Variants in ITPR1 observed in about 807,000 individuals in gnomAD.
The protein encoded by ITPR1 is inositol 1,4,5-trisphosphate receptor type 1.
In ITPR1, 96 loss-of-function variants were observed where a neutral mutation model predicts 318.4. That is an observed-to-expected ratio of 0.30 (90% CI 0.26 to 0.36). The LOEUF is 0.36. ITPR1 is among the 10% of genes least tolerant of loss of function. The pLI is 1.00. For synonymous variants in ITPR1, 1,312 were observed against 1,289.9 expected, an observed-to-expected ratio of 1.02 and a Z score of -0.37; for missense variants, 2,440 against 3,460.2, an observed-to-expected ratio of 0.71 and a Z score of 7.40.
intron 35 of ITPR1, among the ~76,000 whole-genome samples, chr3:4,701,308 T>A (rs563912852): frequency 7.8e-4 from 118 of 152,120 alleles, no homozygotes; most frequent in African/African-American, 2.7e-3. Flanking sequence ...CTTCACAGGG[T>A]GATGGTGAAG....
intron 53 of ITPR1, 72 bp from the exon 54 acceptor site, chr3:4,800,353 C>T (rs1488483674): frequency 5.5e-6 from 8 of 1,466,188 alleles, no homozygotes; most frequent in South Asian, 1.2e-5. Context: ...TGTAACAGTG[C>T]ATGTTTTAGG....
At chr3:4,771,605 G>C (rs2046189328) in intron 46 of ITPR1, among the ~76,000 whole-genome samples, 1 of 152,154 alleles carries the variant, frequency 6.6e-6, no homozygotes, top group Non-Finnish European at 1.5e-5. Context: ...ATTCTCCGTT[G>C]AATCAATGCC....
At chr3:4,661,146 C>T in intron 14 of ITPR1, 59 bp downstream of exon 14, 1 of 968,474 alleles carries the variant, frequency 1.0e-6, no homozygotes, top group Admixed American at 1.8e-5. Context: ...GAAAGGGCTC[C>T]TTTGAGGACA....
At chr3:4,568,014 T>A (rs573176656) in intron 4 of ITPR1, among the ~76,000 whole-genome samples, 1 of 152,146 alleles carries the variant, frequency 6.6e-6, no homozygotes, top group Non-Finnish European at 1.5e-5. Context: ...TTATCAGGTA[T>A]GTGGTCACTG....
intron 35 of ITPR1, among the ~76,000 whole-genome samples, chr3:4,701,309 G>A (rs1574927166): frequency 6.6e-6 from 1 of 152,226 alleles, no homozygotes; most frequent in Non-Finnish European, 1.5e-5. Flanking sequence ...TTCACAGGGT[G>A]ATGGTGAAGG....
chr3:4,650,725 GA>G, intron 10 of ITPR1, among the ~76,000 whole-genome samples: 1 of 151,178 alleles, frequency 6.6e-6, no homozygotes, highest in Admixed American at 6.6e-5. Flanking sequence ...TGTCAAATGG[GA>G]AAACTTTGAG....
At chr3:4,679,409 C>T (rs1037334802) in intron 24 of ITPR1, among the ~76,000 whole-genome samples, 2 of 152,186 alleles carry the variant, frequency 1.3e-5, no homozygotes, top group Admixed American at 1.3e-4. Context: ...GCCTGAGTCC[C>T]AAGGCTGAGA....
chr3:4,769,464 G>T lies in ITPR1; in HGVS notation c.5979+700G>T, dbSNP rs567473761. Among the ~76,000 whole-genome samples, 5 of 152,328 alleles carry T rather than the reference G, an allele frequency of 3.3e-5. No homozygotes were observed. In the South Asian group the frequency reaches 1.0e-3, roughly 32 times the overall value. On this transcript the variant is annotated intron_variant, in intron 46 of 61. Transcript: ENST00000649015. ...TTAGATTTCTAAAATTGGATACATA[G>T]AAAGTTCTGAATAAATATTTGTTGG... is the stretch of plus-strand genomic sequence containing the variant.
intron 44 of ITPR1, among the ~76,000 whole-genome samples, chr3:4,745,715 C>T (rs988311158): frequency 1.3e-5 from 2 of 152,194 alleles, no homozygotes; most frequent in Non-Finnish European, 2.9e-5. Flanking sequence ...AGCTCTCGGT[C>T]CCACCTCTCT....
At chr3:4,831,149 A>ACACACACACACACT (rs2050476415) in intron 60 of ITPR1, 1 of 384,604 alleles carries the variant, frequency 2.6e-6, no homozygotes, top group Admixed American at 3.2e-5. Flanking sequence ...ACACACACAC[A>ACACACACACACACT]CACACTCACT....
At chr3:4,765,082 A>AAGAAAAGAAAAGAAT (rs1358945478) in intron 44 of ITPR1, among the ~76,000 whole-genome samples, 4 of 151,824 alleles carry the variant, frequency 2.6e-5, no homozygotes, top group African/African-American at 9.7e-5. Context: ...AAGAAAAGAA[A>AAGAAAAGAAAAGAAT]AGAAACGAGG....
At chr3:4,579,283 C>T (rs955494137) in intron 4 of ITPR1, among the ~76,000 whole-genome samples, 36 of 152,100 alleles carry the variant, frequency 2.4e-4, no homozygotes, top group African/African-American at 8.5e-4. Flanking sequence ...TGTAGCAATA[C>T]GATTGAGCAT....
At chr3:4,594,113 G>C (rs1426282961) in intron 4 of ITPR1, among the ~76,000 whole-genome samples, 2 of 152,130 alleles carry the variant, frequency 1.3e-5, no homozygotes, top group East Asian at 3.8e-4. Flanking sequence ...TCATTGGCTT[G>C]GGGAGATACA....
At chr3:4,540,002 G>GAAAAAAAAA (rs2084279104) in intron 4 of ITPR1, among the ~76,000 whole-genome samples, 1 of 136,504 alleles carries the variant, frequency 7.3e-6, no homozygotes. Context: ...AAAAAAAAAG[G>GAAAAAAAAA]AAAATTACTT....
intron 24 of ITPR1, among the ~76,000 whole-genome samples, chr3:4,679,717 A>C (rs1219236042): frequency 6.6e-6 from 1 of 152,304 alleles, no homozygotes; most frequent in Admixed American, 6.5e-5. Context: ...GAACCCAGTC[A>C]AGTTGGCATA....
chr3:4,500,609 T>A (rs534778560), intron 2 of ITPR1, among the ~76,000 whole-genome samples: 8 of 152,190 alleles, frequency 5.3e-5, no homozygotes, highest in Non-Finnish European at 1.0e-4. Flanking sequence ...AAACTTGAAT[T>A]TCCTAGGTGA....
Position 4,693,737 on chromosome 3 carries a change from C to T in ITPR1, c.4277C>T (p.Pro1426Leu). The change falls in exon 33 of 62, where the codon CCT (proline) becomes CTT (leucine). Residue 1426 changes from proline to leucine, a missense_variant. By Grantham distance (98) the Pro-to-Leu change is moderately conservative. Transcript: ENST00000649015. ...VRVVTHEDCI[P>L]EVKIAYINFL... ...GTGGTGACCCACGAGGACTGCATCCCTGAGGTGAGCGAGCCCAGCCTGGCT... is the reference window on the plus strand; with the variant it reads ...GTGGTGACCCACGAGGACTGCATCCTTGAGGTGAGCGAGCCCAGCCTGGCT... 6.2e-7 allele frequency: 1 copy of T among 1,610,224 alleles called. No individual in the cohort carries two copies. Among genetic ancestry groups the T allele is most frequent in the Non-Finnish European group, 8.5e-7 (1 of 1,177,424 alleles).
chr3:4,830,637 C>T (rs1010541774), intron 60 of ITPR1, among the ~76,000 whole-genome samples: 4 of 152,152 alleles, frequency 2.6e-5, no homozygotes, highest in South Asian at 2.1e-4. Context: ...CCCTTCTAGT[C>T]GTTTCCATCA....
chr3:4,810,090 C>G (rs2048839532), intron 55 of ITPR1, among the ~76,000 whole-genome samples: 1 of 152,152 alleles, frequency 6.6e-6, no homozygotes, highest in African/African-American at 2.4e-5. Context: ...TCTCAGTCCA[C>G]TTATTTTACA....
Sources: gnomAD v4.1 joint callset for allele counts (sites outside exome capture counted in the v4.1 genomes callset) on GRCh38, gnomAD v4.1.1 for gene constraint, MANE v1.5 for transcripts, NCBI Gene and HGNC (gene_info 2026-07-23, HGNC 2026-07-21) for gene names.